Variants in SMTN observed in about 807,000 individuals in gnomAD.
SMTN encodes smoothelin.
SMTN carries 58 observed loss-of-function variants against 102.0 expected under a neutral mutation model. The observed-to-expected ratio is 0.57, with a 90% CI of 0.46 to 0.71. The LOEUF (loss-of-function observed/expected upper bound fraction) is 0.71, where lower values mean the gene tolerates loss of function less well. Among genes scored for constraint, SMTN ranks in the 30% least tolerant of loss-of-function variants. The pLI is 0.00. For missense variants in SMTN, 1,185 were observed against 1,241.7 expected (o/e 0.95, Z 0.69); for synonymous variants, 478 against 497.9 (o/e 0.96, Z 0.53).
At chr22:31,090,292 C>A in intron 8 of SMTN, 112 bp downstream of exon 8, 1 of 808,262 alleles carries the variant, frequency 1.2e-6, no homozygotes, top group Non-Finnish European at 2.0e-6. Flanking sequence ...TTCCTCAGGT[C>A]CATGCAGTCC....
chr22:31,079,693 C>A (rs1313273495), upstream of SMTN, among the ~76,000 whole-genome samples: 2 of 152,230 alleles, frequency 1.3e-5, no homozygotes, highest in East Asian at 1.9e-4. Flanking sequence ...TGAAATATGT[C>A]CTCCGAAGTG....
intron 11 of SMTN, chr22:31,093,849 C>T (rs1252383635): frequency 1.9e-6 from 3 of 1,584,272 alleles, no homozygotes; most frequent in East Asian, 4.5e-5. Flanking sequence ...GCCGCTCCTC[C>T]ACCGGCACCA....
chr22:31,082,944 C>G (rs756661905), intron 1 of SMTN: 6 of 1,512,214 alleles, frequency 4.0e-6, no homozygotes, highest in Non-Finnish European at 1.8e-6. Context: ...CCAGGCCACA[C>G]AGCAGACTGG....
intron 11 of SMTN, chr22:31,093,801 G>T: frequency 6.3e-7 from 1 of 1,593,456 alleles, no homozygotes. Flanking sequence ...AGGATGCCGG[G>T]ACCCCCGTGG....
At chr22:31,084,496 G>A (rs1249119156) in intron 2 of SMTN, among the ~76,000 whole-genome samples, 1 of 152,198 alleles carries the variant, frequency 6.6e-6, no homozygotes, top group African/African-American at 2.4e-5. Flanking sequence ...CAGGATGTGT[G>A]CAGCCTGGAG....
At chr22:31,103,576 C>A (rs1189916943) in intron 20 of SMTN, 6 of 152,446 alleles carry the variant, frequency 3.9e-5, no homozygotes, top group African/African-American at 1.4e-4. Context: ...GACTCAGTTT[C>A]CTTATCTGTG....
Position 31,088,606 on chromosome 22 carries a change from G to A in SMTN, c.294G>A (p.Leu98=). 1 of 1,613,770 alleles carries A rather than the reference G, an allele frequency of 6.2e-7. No homozygotes were observed. Among genetic ancestry groups the A allele is most frequent in the South Asian group, 1.1e-5 (1 of 91,070 alleles). The stretch of plus-strand genomic sequence containing the variant: ...ACGATGTGGAGGAATTGACTGCACT[G>A]GTGAGGCCCAGGCTGGGGCAGGGGA... ...SMNDVEELTA[L]LRSAGEYEER... is the part of the protein sequence containing the mutation. Residue 98 remains leucine, a splice_region_variant and synonymous_variant, in exon 4 of 21, where the codon CTG becomes CTA. Transcript: ENST00000333137.
chr22:31,093,901 G>C (rs912498968), intron 11 of SMTN: 9 of 1,479,336 alleles, frequency 6.1e-6, no homozygotes, highest in African/African-American at 1.4e-5. Context: ...GTTGGTGGGA[G>C]GGGTAGTTTT....
At chr22:31,079,790 A>G (rs2042223706), upstream of SMTN, among the ~76,000 whole-genome samples, 1 of 152,102 alleles carries the variant, frequency 6.6e-6, no homozygotes, top group South Asian at 2.1e-4. Flanking sequence ...TTGAGACAGA[A>G]TCTTGCTCTG....
chr22:31,103,666 G>A (rs1464163302), intron 20 of SMTN: 1 of 152,518 alleles, frequency 6.6e-6, no homozygotes, highest in Non-Finnish European at 1.5e-5. Context: ...GGTATTGGCT[G>A]GGATCCTCAT....
intron 2 of SMTN, chr22:31,085,019 C>T: frequency 1.3e-6 from 2 of 1,497,680 alleles, no homozygotes; most frequent in Non-Finnish European, 1.8e-6. Context: ...TTTGGGGACG[C>T]GGGCAGTCGC....
chr22:31,067,553 CTT>C (rs36105837), intron 1 of SMTN: 47,903 of 90,128 alleles, frequency 0.53, 11,842 homozygotes, highest in East Asian at 0.8. Flanking sequence ...GCTTCTTCTT[CTT>C]TTTTTTTTTT....
intron 2 of SMTN, among the ~76,000 whole-genome samples, chr22:31,084,321 C>T (rs537510641): frequency 6.6e-5 from 10 of 152,200 alleles, no homozygotes; most frequent in African/African-American, 1.9e-4. Flanking sequence ...AGTGACCCAC[C>T]CCACTCTCAT....
chr22:31,070,363 T>TTTC (rs1258966915), intron 1 of SMTN, among the ~76,000 whole-genome samples: 1 of 152,140 alleles, frequency 6.6e-6, no homozygotes, highest in Non-Finnish European at 1.5e-5. Flanking sequence ...AGTCTGGGCC[T>TTTC]TTCCCCTCTC....
At chr22:31,086,728 G>A (rs1306413578) in intron 2 of SMTN, among the ~76,000 whole-genome samples, 2 of 152,266 alleles carry the variant, frequency 1.3e-5, no homozygotes, top group Non-Finnish European at 2.9e-5. Context: ...GCTCTGGCCT[G>A]AGTTTCAGGG....
In SMTN at chr22:31,091,313, A is replaced by C. The variant is rs1602633386; in HGVS notation, c.1290A>C (p.Ala430=). The C allele has an allele frequency of 6.2e-7, 1 of 1,604,310 alleles. No individual in the cohort carries two copies. The highest frequency in any genetic ancestry group is 1.3e-5 in the African/African-American group (1 of 74,772). ...CTGCTAGGCCCCTTGAAAACAGAGC[A>C]GGGGGGCCTGTGGCACGTTCAGAGG... ...GLAARPLENR[A]GGPVARSEEP... The change falls in exon 10 of 21, where the codon GCA becomes GCC. Residue 430 remains alanine, a synonymous_variant. Transcript: ENST00000333137.
intron 1 of SMTN, among the ~76,000 whole-genome samples, chr22:31,070,780 C>T (rs979753936): frequency 3.3e-5 from 5 of 151,818 alleles, no homozygotes; most frequent in African/African-American, 1.2e-4. Flanking sequence ...AAAAATTAAC[C>T]GGGTGTGGTG....
chr22:31,067,145 T>A (rs1015438068), intron 1 of SMTN: 1 of 152,122 alleles, frequency 6.6e-6, no homozygotes, highest in African/African-American at 2.4e-5. Context: ...GGTGTGATCA[T>A]GACTCACTGC....
Position 31,100,912 on chromosome 22 carries a change from G to A in SMTN, c.2631G>A (p.Leu877=). 2 of 1,606,920 alleles carry A rather than the reference G, an allele frequency of 1.2e-6. No homozygotes were observed. Among genetic ancestry groups the A allele is most frequent in the Non-Finnish European group, 1.7e-6 (2 of 1,177,616 alleles). The change falls in exon 20 of 21, where the codon CTG becomes CTA. Residue 877 remains leucine (L), a synonymous_variant. Coordinates refer to ENST00000333137, the MANE Select transcript of SMTN (RefSeq NM_134269.3). ...AETHADCPQL[L]DTEDMVRLRE... is the part of the protein sequence containing the mutation. ...CCCATGCGGACTGCCCGCAGCTCCT[G>A]GATACAGAGGACATGGTGCGGCTTC...
Sources: gnomAD v4.1 joint callset for allele counts (sites outside exome capture counted in the v4.1 genomes callset) on GRCh38, gnomAD v4.1.1 for gene constraint, MANE v1.5 for transcripts, NCBI Gene and HGNC (gene_info 2026-07-23, HGNC 2026-07-21) for gene names.